The following ASPSCR1 variants were observed in gnomAD, a reference collection of about 807,000 sequenced individuals.
The protein encoded by ASPSCR1 is ASPSCR1 tether for SLC2A4, UBX domain containing.
Under a neutral mutation model 68.9 loss-of-function variants are expected in ASPSCR1, and 55 were observed. The ratio of observed to expected loss-of-function variants is 0.80; its 90% confidence interval spans 0.64 to 1.00. ASPSCR1 has a LOEUF of 1.00. Ranked by LOEUF, ASPSCR1 falls within the 50% of genes least tolerant of loss-of-function variation. ASPSCR1 has a pLI of 0.00. For synonymous variants in ASPSCR1, 352 were observed against 332.6 expected (o/e 1.06, Z -0.63); for missense variants, 765 against 762.2 (o/e 1.00, Z -0.04).
intron 12 of ASPSCR1, among the ~76,000 whole-genome samples, chr17:82,012,685 G>A (rs990982556): frequency 2.6e-5 from 4 of 152,148 alleles, no homozygotes; most frequent in Non-Finnish European, 5.9e-5. Flanking sequence ...AGCTGGAGGC[G>A]GCCGCCTTGG....
rs1350333204 is a variant in ASPSCR1 at position 81,987,260 on chromosome 17, C to T, written c.374+1653C>T. On this transcript the variant is annotated intron_variant, in intron 4 of 15. Coordinates refer to ENST00000306739, the MANE Select transcript of ASPSCR1 (RefSeq NM_024083.4). The surrounding 1 kb of genome is among the most constrained non-coding windows in gnomAD (Gnocchi z 5.6). ...TGAGCGGGACCCGAGCCAGGAGTGG[C>T]GCCGGGCAGGGAGGCAGGCAGCCCC... Among the ~76,000 whole-genome samples the T allele has an allele frequency of 1.3e-5, 2 of 152,148 alleles. No individual in the cohort carries two copies. The highest frequency in any genetic ancestry group is 4.8e-5 in the African/African-American group (2 of 41,438).
At chr17:81,985,228 C>T (rs2144008879) in intron 3 of ASPSCR1, among the ~76,000 whole-genome samples, 1 of 151,530 alleles carries the variant, frequency 6.6e-6, no homozygotes, top group African/African-American at 2.4e-5. Context: ...CTGCACACCC[C>T]CGCACACACC....
chr17:82,017,085 C>T lies in ASPSCR1; in HGVS notation c.1620C>T (p.Gly540=). 1 of 1,603,376 alleles carries T rather than the reference C, an allele frequency of 6.2e-7. No individual in the cohort carries two copies. The highest frequency in any genetic ancestry group is 8.5e-7 in the Non-Finnish European group (1 of 1,176,180). Residue 540 remains glycine (G), a synonymous_variant, in exon 15 of 16, where the codon GGC becomes GGT. Transcript: ENST00000306739. The part of the protein sequence containing the change: ...GTAQPVKRSL[G]KVPKWLKLPA... ...CCCAGCCCGTGAAGAGGAGCCTGGG[C>T]AAGGTGCCCAAGTGGCTGAAGCTGC...
At chr17:82,010,282 C>A (rs916494242) in intron 9 of ASPSCR1, among the ~76,000 whole-genome samples, 1 of 151,010 alleles carries the variant, frequency 6.6e-6, no homozygotes, top group Non-Finnish European at 1.5e-5. Context: ...GTAATCCCAG[C>A]ACTTTGGGAG....
chr17:82,009,273 TGCCAGCACTGGCTCCCG>T (rs1052367217), intron 8 of ASPSCR1, 82 bp downstream of exon 8: 7 of 1,478,436 alleles, frequency 4.7e-6, no homozygotes, highest in Non-Finnish European at 6.3e-6. Context: ...CTGTCCCCAG[TGCCAGCACTGGCTCCCG>T]GCCCAGGTCC....
intron 7 of ASPSCR1, chr17:82,008,648 G>A (rs929724436): frequency 1.7e-5 from 3 of 178,960 alleles, no homozygotes; most frequent in South Asian, 3.6e-4. Flanking sequence ...AGAGGGCAGC[G>A]GGGGCAGCTG....
At chr17:82,010,196 A>T (rs546924346) in intron 9 of ASPSCR1, 15 of 234,710 alleles carry the variant, frequency 6.4e-5, no homozygotes, top group Non-Finnish European at 1.3e-4. Context: ...TTCTGGGATT[A>T]CAGGCTTGAG....
chr17:81,995,912 T>A, intron 5 of ASPSCR1, 80 bp from the exon 6 acceptor site: 1 of 1,407,518 alleles, frequency 7.1e-7, no homozygotes, highest in Non-Finnish European at 9.8e-7. Context: ...GTGGTCCTGG[T>A]GGTGCCGGTG....
At position 81,983,097 on chromosome 17, in the gene ASPSCR1, G is replaced by C. The variant is rs537392331; in HGVS notation, c.159-457G>C. Among the ~76,000 whole-genome samples the C allele has an allele frequency of 2.0e-5, 3 of 152,152 alleles. No homozygotes were observed. The highest frequency in any genetic ancestry group is 7.2e-5 in the African/African-American group (3 of 41,426). ...GAACCTCAGGTGATCCGCCTGCCTC[G>C]GCCTCCGAAAGTGCTGGGATTACAG... On this transcript the variant is annotated intron_variant, in intron 2 of 15. Coordinates refer to ENST00000306739, the MANE Select transcript of ASPSCR1 (RefSeq NM_024083.4). The surrounding 1 kb of genome is among the most constrained non-coding windows in gnomAD (Gnocchi z 4.4).
intron 12 of ASPSCR1, chr17:82,013,508 G>GCTCT (rs1458906709): frequency 6.6e-6 from 1 of 152,300 alleles, no homozygotes; most frequent in Non-Finnish European, 1.5e-5. Flanking sequence ...CCGTCAGAGA[G>GCTCT]CTGGCGGGGC....
chr17:82,012,287 C>T lies in ASPSCR1; in HGVS notation c.1353+4C>T. On this transcript the variant is annotated splice_donor_region_variant and intron_variant, in intron 12 of 15. Coordinates refer to ENST00000306739, the MANE Select transcript of ASPSCR1 (RefSeq NM_024083.4). The stretch of plus-strand genomic sequence containing the variant: ...CCACACGCAGACCCTCTTTCAGGTA[C>T]CTGAGGGCCTCCCTGGGGTGCTGCG... 6.2e-7 allele frequency: 1 copy of T among 1,613,176 alleles called. No individual in the cohort carries two copies. Among genetic ancestry groups the T allele is most frequent in the Middle Eastern group, 1.7e-4 (1 of 6,058 alleles).
At chr17:81,984,405 C>T (rs2144002639) in intron 3 of ASPSCR1, among the ~76,000 whole-genome samples, 1 of 152,046 alleles carries the variant, frequency 6.6e-6, no homozygotes, top group African/African-American at 2.4e-5. Flanking sequence ...AATGAAACCC[C>T]GTCTCTACTA....
intron 4 of ASPSCR1, among the ~76,000 whole-genome samples, chr17:81,992,336 G>A (rs915970763): frequency 3.9e-5 from 6 of 152,186 alleles, no homozygotes; most frequent in Non-Finnish European, 8.8e-5. Flanking sequence ...GTCTGGAACC[G>A]ATTGCCCACC....
chr17:81,991,497 A>G (rs1037141675), intron 4 of ASPSCR1, among the ~76,000 whole-genome samples: 2 of 152,158 alleles, frequency 1.3e-5, no homozygotes, highest in Admixed American at 1.3e-4. Flanking sequence ...GGCCACACTC[A>G]GGGTGGGTCT....
rs1245326453 is a variant in ASPSCR1, at chr17:81,996,849, A to G, written c.933+3A>G. ...AGCAGGAGCAGGAGCGGGAGCGGGT[A>G]AAAGGGGCTCTAGGCCTTGGGACTT... On this transcript the variant is annotated splice_donor_region_variant and intron_variant, in intron 7 of 15. Coordinates refer to ENST00000306739, the MANE Select transcript of ASPSCR1 (RefSeq NM_024083.4). The G allele has an allele frequency of 6.3e-7, 1 of 1,588,714 alleles. No homozygotes were observed. Among genetic ancestry groups the G allele is most frequent in the Non-Finnish European group, 8.5e-7 (1 of 1,169,642 alleles).
chr17:82,003,166 C>T (rs1376872645), intron 7 of ASPSCR1, among the ~76,000 whole-genome samples: 1 of 152,212 alleles, frequency 6.6e-6, no homozygotes, highest in African/African-American at 2.4e-5. Flanking sequence ...CTTTTCTTGG[C>T]TGGGTACAGT....
At chr17:82,012,472 C>T (rs546918460) in intron 12 of ASPSCR1, among the ~76,000 whole-genome samples, 189 bp downstream of exon 12, 1 of 152,316 alleles carries the variant, frequency 6.6e-6, no homozygotes, top group East Asian at 1.9e-4. Flanking sequence ...GCTTTCCGGC[C>T]TCCTCTGCTT....
chr17:82,012,934 C>G (rs1267116497), intron 12 of ASPSCR1: 2 of 153,500 alleles, frequency 1.3e-5, no homozygotes, highest in African/African-American at 4.8e-5. Context: ...CTGGGGCCTT[C>G]CGAAGCCCTC....
In ASPSCR1 at chr17:81,990,021, C is replaced by T. The variant is rs963216499; in HGVS notation, c.374+4414C>T. On this transcript the variant is annotated intron_variant, in intron 4 of 15. Transcript: ENST00000306739. This position sits in a 1 kb window ranked among gnomAD's most constrained non-coding sequence, Gnocchi z 4.1. ...GGCCAGGCTGGTCAGGTGATCAGCC[C>T]GCCTCGGCCTCCCAAAGTGCTGAGA... Among the ~76,000 whole-genome samples, 5 of 152,184 alleles carry T rather than the reference C, an allele frequency of 3.3e-5. No individual in the cohort carries two copies. Among genetic ancestry groups the T allele is most frequent in the Admixed American group, 1.3e-4 (2 of 15,274 alleles).
Sources: allele counts gnomAD v4.1 joint callset (sites outside exome capture counted in the v4.1 genomes callset), GRCh38; gene constraint gnomAD v4.1.1; non-coding constraint Gnocchi (gnomAD v3.1); transcripts MANE v1.5; gene names NCBI Gene and HGNC (gene_info 2026-07-23, HGNC 2026-07-21).